MCPH1: variants seen among roughly 807,000 people sequenced by gnomAD.
The protein encoded by MCPH1 is microcephalin 1.
Under a neutral mutation model 84.5 loss-of-function variants are expected in MCPH1, and 104 were observed. That is an observed-to-expected ratio of 1.23 (90% CI 1.05 to 1.45). The LOEUF is 1.45. Ranked by LOEUF, MCPH1 falls within the 40% of genes most tolerant of loss-of-function variation. MCPH1 has a pLI of 0.00. For synonymous variants in MCPH1, 514 were observed against 366.8 expected, an observed-to-expected ratio of 1.40 and a Z score of -4.58; for missense variants, 1,498 against 1,005.7, an observed-to-expected ratio of 1.49 and a Z score of -6.62.
Position 6,527,899 on chromosome 8 carries a change from A to ATTTTTTTTTTTTTTTT in MCPH1, c.2214+27984_2214+27985insTTTTTTTTTTTTTTTT, listed in dbSNP as rs71213313. On this transcript the variant is annotated intron_variant, in intron 12 of 13. Coordinates refer to ENST00000344683, the MANE Select transcript of MCPH1 (RefSeq NM_024596.5). ...TTTTTACTCTTTTCCCCACGTCTCT[A>ATTTTTTTTTTTTTTTT]TTTTTTTTTTTTTTGAGATGGAATC... Among the ~76,000 whole-genome samples the ATTTTTTTTTTTTTTTT allele has an allele frequency of 4.7e-4, 62 of 133,134 alleles. 2 individuals are homozygous for ATTTTTTTTTTTTTTTT. The highest frequency in any genetic ancestry group is 6.7e-4 in the Non-Finnish European group (41 of 61,312). The allele number at this position is 133,134 out of a possible 152,430, so 87.3% of individuals were successfully genotyped here. A position where few individuals can be genotyped will look rare whatever the true frequency, so the allele number is the denominator to read the frequency against.
intron 11 of MCPH1, among the ~76,000 whole-genome samples, chr8:6,496,275 G>C (rs188551715): frequency 6.6e-6 from 1 of 152,084 alleles, no homozygotes; most frequent in East Asian, 1.9e-4. Flanking sequence ...AATAGGGTTC[G>C]CAATTCTATG....
At chr8:6,624,070 G>A (rs1437073513) in intron 13 of MCPH1, among the ~76,000 whole-genome samples, 1 of 152,230 alleles carries the variant, frequency 6.6e-6, no homozygotes, top group Non-Finnish European at 1.5e-5. Flanking sequence ...GCGTCCTTGT[G>A]TGGAGTCACG....
chr8:6,551,979 G>C (rs146759401), intron 12 of MCPH1, among the ~76,000 whole-genome samples: 18 of 152,248 alleles, frequency 1.2e-4, no homozygotes, highest in African/African-American at 4.3e-4. Flanking sequence ...ACTATCTTCA[G>C]ACTAATGTTT....
chr8:6,630,720 G>A (rs1797093095), intron 13 of MCPH1, among the ~76,000 whole-genome samples: 1 of 150,076 alleles, frequency 6.7e-6, no homozygotes, highest in African/African-American at 2.5e-5. Context: ...GGTGGAGGTT[G>A]CAGTGAGCCG....
chr8:6,444,468 G>A lies in MCPH1; in HGVS notation c.746G>A (p.Arg249Lys), dbSNP rs758776316. The A allele has an allele frequency of 3.7e-6, 6 of 1,614,174 alleles. No homozygotes were observed. Among genetic ancestry groups the A allele is most frequent in the Non-Finnish European group, 5.1e-6 (6 of 1,180,022 alleles). The change falls in exon 8 of 14, where the codon AGG becomes AAG. Residue 249 changes from arginine to lysine, a missense_variant. Coordinates refer to ENST00000344683, the MANE Select transcript of MCPH1 (RefSeq NM_024596.5). ...AACTCAGGATGTGGAAATCAGGAAA[G>A]GAAGTTGGAAGGATCCATTAATGAC... is the stretch of plus-strand genomic sequence containing the variant. ...CGNSGCGNQE[R>K]KLEGSINDIK...
chr8:6,589,649 C>G (rs866546794), intron 12 of MCPH1, among the ~76,000 whole-genome samples: 13 of 152,352 alleles, frequency 8.5e-5, no homozygotes, highest in Middle Eastern at 3.4e-3. Context: ...GAATGTCTAA[C>G]TGTGCTCTGA....
At chr8:6,611,255 C>G (rs895604551) in intron 12 of MCPH1, among the ~76,000 whole-genome samples, 1 of 152,176 alleles carries the variant, frequency 6.6e-6, no homozygotes, top group Admixed American at 6.5e-5. Flanking sequence ...ATTGTGGCAC[C>G]GCCTGCCTGG....
At chr8:6,514,699 C>T (rs774846147) in intron 12 of MCPH1, 42 of 1,613,950 alleles carry the variant, frequency 2.6e-5, no homozygotes, top group Non-Finnish European at 2.5e-6. Context: ...TTTCCAAGTC[C>T]TCTGAAAATC....
chr8:6,637,176 C>A (rs140325483), intron 13 of MCPH1, among the ~76,000 whole-genome samples: 47 of 152,342 alleles, frequency 3.1e-4, no homozygotes, highest in African/African-American at 1.1e-3. Flanking sequence ...GGTACAGCAA[C>A]TGACAGGAAT....
chr8:6,438,572 G>T (rs1270080150), intron 5 of MCPH1, among the ~76,000 whole-genome samples: 1 of 152,218 alleles, frequency 6.6e-6, no homozygotes. Context: ...GTTCATGGGG[G>T]CAGTTTCTGA....
At chr8:6,455,010 C>G (rs1028665725) in intron 8 of MCPH1, 133 bp from the exon 9 acceptor site, 1 of 707,846 alleles carries the variant, frequency 1.4e-6, no homozygotes, top group Non-Finnish European at 2.5e-6. Flanking sequence ...CTCAAAGAGC[C>G]AGATATATAC....
chr8:6,418,604 G>T (rs1336624904), intron 3 of MCPH1, among the ~76,000 whole-genome samples: 1 of 151,322 alleles, frequency 6.6e-6, no homozygotes, highest in Non-Finnish European at 1.5e-5. Context: ...TTTTTTTTGA[G>T]ACGGAGTCTC....
At chr8:6,434,150 C>T (rs1802297668) in intron 4 of MCPH1, among the ~76,000 whole-genome samples, 1 of 152,190 alleles carries the variant, frequency 6.6e-6, no homozygotes, top group Non-Finnish European at 1.5e-5. Flanking sequence ...ACTGGCTCCT[C>T]CTAACACACT....
At position 6,589,591 on chromosome 8, in the gene MCPH1, C is replaced by G. The variant is rs142929589; in HGVS notation, c.2215-31863C>G. ...TGGGGAAGGGAAGGGTGCTAAGCTT[C>G]AGTGACTGCCTACTGTGTGCCAGGC... is the stretch of plus-strand genomic sequence containing the variant. On this transcript the variant is annotated intron_variant, in intron 12 of 13. Transcript: ENST00000344683. 2.8e-3 allele frequency among the ~76,000 whole-genome samples: 428 copies of G among 152,298 alleles called. 2 individuals carry two copies. Among genetic ancestry groups the G allele is most frequent in the African/African-American group, 9.6e-3 (400 of 41,562 alleles).
intron 12 of MCPH1, chr8:6,508,928 C>T (rs1019549728): frequency 1.9e-6 from 3 of 1,613,982 alleles, no homozygotes; most frequent in African/African-American, 1.3e-5. Context: ...AAAGTCATCC[C>T]TACCTCCTGT....
At chr8:6,604,002 C>CA (rs1554473357) in intron 12 of MCPH1, among the ~76,000 whole-genome samples, 12 of 145,408 alleles carry the variant, frequency 8.3e-5, no homozygotes, top group Admixed American at 1.4e-4. Context: ...TTCACTTTGA[C>CA]TTTTTTTTTT....
At chr8:6,406,847 TGCCTGTCCC>T (rs1797770302) in intron 1 of MCPH1, 158 bp downstream of exon 1, 12 of 34,620 alleles carry the variant, frequency 3.5e-4, no homozygotes, top group Non-Finnish European at 8.2e-4. Context: ...CCTCCCCCGC[TGCCTGTCCC>T]ACCAAAACCC....
At chr8:6,596,540 C>G (rs1170171212) in intron 12 of MCPH1, among the ~76,000 whole-genome samples, 1 of 152,126 alleles carries the variant, frequency 6.6e-6, no homozygotes, top group Non-Finnish European at 1.5e-5. Flanking sequence ...GATGACCCAG[C>G]ACAATGGGCT....
At position 6,445,529 on chromosome 8, in the gene MCPH1, C is replaced by T. The variant is rs192777656; in HGVS notation, c.1807C>T (p.Pro603Ser). 1.2e-6 allele frequency: 2 copies of T among 1,604,878 alleles called. No homozygotes were observed. The highest frequency in any genetic ancestry group is 2.2e-5 in the East Asian group (1 of 44,832). Reference sequence around the variant, plus strand: ...GTCTACAGAAGAGAAGGAAAACTTACCCGGAGGATACAGTGGAAGTATGTG... The same window carrying T: ...GTCTACAGAAGAGAAGGAAAACTTATCCGGAGGATACAGTGGAAGTATGTG... ...ETSTEEKENL[P>S]GGYSGSVKNR... is the part of the protein sequence containing the mutation. The change falls in exon 8 of 14, where the codon CCC becomes TCC. Residue 603 changes from proline to serine, a missense_variant. Pro to Ser is a moderately conservative substitution (Grantham distance 74). Coordinates refer to ENST00000344683, the MANE Select transcript of MCPH1 (RefSeq NM_024596.5).
Sources: allele counts gnomAD v4.1 joint callset (sites outside exome capture counted in the v4.1 genomes callset), GRCh38; gene constraint gnomAD v4.1.1; transcripts MANE v1.5; gene names NCBI Gene and HGNC (gene_info 2026-07-23, HGNC 2026-07-21).